Variants in PCDH9 observed in about 807,000 individuals in gnomAD.
PCDH9 encodes the protein protocadherin 9.
In PCDH9, 24 loss-of-function variants were observed where a neutral mutation model predicts 70.6. The ratio of observed to expected loss-of-function variants is 0.34; its 90% CI spans 0.25 to 0.48. The LOEUF (loss-of-function observed/expected upper bound fraction) is 0.48. Among genes scored for constraint, PCDH9 ranks in the 20% least tolerant of loss-of-function variants. PCDH9 has a pLI of 0.99. For synonymous variants in PCDH9, 562 were observed against 558.5 expected (o/e 1.01, Z -0.09); for missense variants, 1,281 against 1,503.6 (o/e 0.85, Z 2.45).
chr13:66,305,081 A>G (rs1247889429), intron 4 of PCDH9, 53 bp from the exon 5 acceptor site: 1 of 1,467,300 alleles, frequency 6.8e-7, no homozygotes, highest in Non-Finnish European at 9.1e-7. Context: ...AAAATTTTCA[A>G]TTAGAATTAT....
chr13:67,063,181 C>T (rs533833500), intron 2 of PCDH9, among the ~76,000 whole-genome samples: 16 of 152,184 alleles, frequency 1.1e-4, no homozygotes, highest in African/African-American at 3.9e-4. Flanking sequence ...CAAGTACTAC[C>T]CGTAACATTG....
intron 4 of PCDH9, among the ~76,000 whole-genome samples, chr13:66,622,072 A>G (rs2077429214): frequency 6.6e-6 from 1 of 152,220 alleles, no homozygotes; most frequent in African/African-American, 2.4e-5. Context: ...GCCCAGGGCA[A>G]TGAGGGGCTT....
At chr13:66,599,260 A>AT (rs970780470) in intron 4 of PCDH9, among the ~76,000 whole-genome samples, 1 of 151,542 alleles carries the variant, frequency 6.6e-6, no homozygotes, top group Non-Finnish European at 1.5e-5. Context: ...TTAAAAAGAA[A>AT]TTTTTTTTCT....
chr13:66,479,975 C>T (rs1050701855), intron 4 of PCDH9, among the ~76,000 whole-genome samples: 1 of 152,198 alleles, frequency 6.6e-6, no homozygotes, highest in Non-Finnish European at 1.5e-5. Context: ...TCACTCTTCA[C>T]AATAAATCCT....
chr13:66,449,614 A>G (rs1958165771), intron 4 of PCDH9, among the ~76,000 whole-genome samples: 1 of 152,198 alleles, frequency 6.6e-6, no homozygotes, highest in South Asian at 2.1e-4. Flanking sequence ...TAAAGTGTAA[A>G]GCTAAATAAA....
At position 66,445,558 on chromosome 13, in the gene PCDH9, A is replaced by T. The variant is rs9571585; in HGVS notation, c.3341-140530T>A. On this transcript the variant is annotated intron_variant, in intron 4 of 4. Coordinates refer to ENST00000377865, the MANE Select transcript of PCDH9 (RefSeq NM_203487.3). ...TATATATTATATATACACATATATAATATATACGTGTATATATTATATATA... is the reference window on the plus strand; with the variant it reads ...TATATATTATATATACACATATATATTATATACGTGTATATATTATATATA... Among the ~76,000 whole-genome samples, 15 of 141,598 alleles carry T rather than the reference A, an allele frequency of 1.1e-4. No homozygotes were observed. In the South Asian group the frequency reaches 1.5e-3, roughly 14 times the overall value. The allele number at this position is 141,598 out of a possible 152,430, so 92.9% of individuals were successfully genotyped here.
At chr13:66,935,122 C>G (rs2082894783) in intron 2 of PCDH9, among the ~76,000 whole-genome samples, 1 of 151,862 alleles carries the variant, frequency 6.6e-6, no homozygotes, top group African/African-American at 2.4e-5. Flanking sequence ...AGTGCAGTGG[C>G]GCATCACGAT....
chr13:66,805,219 A>G (rs2080391764), intron 3 of PCDH9, among the ~76,000 whole-genome samples: 1 of 152,192 alleles, frequency 6.6e-6, no homozygotes, highest in Non-Finnish European at 1.5e-5. Context: ...AGTGTTTCCT[A>G]AAGTGTGGAT....
At chr13:67,223,677 A>G (rs760591727) in intron 2 of PCDH9, 1 of 152,152 alleles carries the variant, frequency 6.6e-6, no homozygotes, top group Non-Finnish European at 1.5e-5. Flanking sequence ...ATTTTAAAAC[A>G]TCAACCTCTT....
intron 2 of PCDH9, among the ~76,000 whole-genome samples, chr13:66,967,717 C>T (rs918467877): frequency 4.6e-5 from 7 of 151,928 alleles, no homozygotes; most frequent in Non-Finnish European, 7.4e-5. Flanking sequence ...ATTTTGACAT[C>T]CAAGTTTTAA....
chr13:66,982,755 AAG>A (rs1233086278), intron 2 of PCDH9, among the ~76,000 whole-genome samples: 1 of 152,204 alleles, frequency 6.6e-6, no homozygotes, highest in Non-Finnish European at 1.5e-5. Flanking sequence ...ATTCTGGAAA[AAG>A]AGAAAACAAC....
chr13:67,090,451 A>C (rs1001522402), intron 2 of PCDH9, among the ~76,000 whole-genome samples: 1 of 152,068 alleles, frequency 6.6e-6, no homozygotes, highest in African/African-American at 2.4e-5. Flanking sequence ...TAGGAGGCAT[A>C]ATCCTGTATT....
rs116219147 is a variant in PCDH9 at position 66,391,198 on chromosome 13, G to A, written c.3341-86170C>T. ...GTAAAATGATAAAAAGGAAAATAAC[G>A]TCCAATAGTAACCACAATTTCAAGA... On this transcript the variant is annotated intron_variant, in intron 4 of 4. Coordinates refer to ENST00000377865, the MANE Select transcript of PCDH9 (RefSeq NM_203487.3). Among the ~76,000 whole-genome samples the A allele has an allele frequency of 7.1e-3, 1,081 of 152,112 alleles. 11 individuals carry two copies. The highest frequency in any genetic ancestry group is 0.025 in the African/African-American group (1,019 of 41,494).
intron 4 of PCDH9, among the ~76,000 whole-genome samples, chr13:66,569,614 G>A (rs560715163): frequency 2.0e-5 from 3 of 152,122 alleles, no homozygotes; most frequent in South Asian, 4.2e-4. Context: ...TACTCAAAAC[G>A]TTGTATAGTC....
At chr13:66,982,789 T>C (rs2083802201) in intron 2 of PCDH9, among the ~76,000 whole-genome samples, 3 of 152,334 alleles carry the variant, frequency 2.0e-5, no homozygotes, top group Middle Eastern at 3.4e-3. Context: ...TCAATCTCGC[T>C]GGCAACATTT....
At chr13:66,889,339 G>A (rs901251502) in intron 3 of PCDH9, among the ~76,000 whole-genome samples, 1 of 152,108 alleles carries the variant, frequency 6.6e-6, no homozygotes. Context: ...TCAACATGTG[G>A]AAGAACATAA....
intron 2 of PCDH9, among the ~76,000 whole-genome samples, chr13:67,131,349 T>C (rs532118211): frequency 2.0e-5 from 3 of 152,250 alleles, no homozygotes; most frequent in South Asian, 2.1e-4. Context: ...TCCAGGAAGA[T>C]AGTTTACCTC....
chr13:67,099,418 A>G (rs571366547), intron 2 of PCDH9, among the ~76,000 whole-genome samples: 16 of 152,316 alleles, frequency 1.1e-4, no homozygotes, highest in African/African-American at 3.8e-4. Context: ...GTAAATGTCA[A>G]TGACTTCCAA....
At chr13:66,530,682 C>T (rs1417924209) in intron 4 of PCDH9, among the ~76,000 whole-genome samples, 2 of 151,858 alleles carry the variant, frequency 1.3e-5, no homozygotes, top group Non-Finnish European at 2.9e-5. Context: ...TGATTAATAT[C>T]AGCAACATAG....
Sources: allele counts gnomAD v4.1 joint callset (sites outside exome capture counted in the v4.1 genomes callset), GRCh38; gene constraint gnomAD v4.1.1; transcripts MANE v1.5; gene names NCBI Gene and HGNC (gene_info 2026-07-23, HGNC 2026-07-21).